The following GNAQ variants were observed in gnomAD, a reference collection of about 807,000 sequenced individuals.
The protein encoded by GNAQ is guanine nucleotide-binding protein G(q) subunit alpha.
GNAQ carries 8 observed loss-of-function variants against 43.9 expected under a neutral mutation model. That is an observed-to-expected ratio of 0.18 (90% CI 0.11 to 0.33). The LOEUF (loss-of-function observed/expected upper bound fraction) is 0.33. Ranked by LOEUF, GNAQ falls within the 10% of genes least tolerant of loss-of-function variation. The pLI is 1.00. For synonymous variants in GNAQ, 155 were observed against 170.7 expected (o/e 0.91, Z 0.71); for missense variants, 158 against 450.8 (o/e 0.35, Z 5.88).
At chr9:77,923,158 A>G (rs1224790963) in intron 1 of GNAQ, among the ~76,000 whole-genome samples, 1 of 152,094 alleles carries the variant, frequency 6.6e-6, no homozygotes, top group East Asian at 1.9e-4. Flanking sequence ...GTGGCATAAG[A>G]ACACAGTATC....
chr9:77,934,251 T>G (rs143156102), intron 1 of GNAQ, among the ~76,000 whole-genome samples: 1 of 151,992 alleles, frequency 6.6e-6, no homozygotes, highest in Non-Finnish European at 1.5e-5. Flanking sequence ...AAGGGTTCTC[T>G]CCAGCGTTGG....
rs936207140 is a variant in GNAQ, at chr9:77,995,980, G to C, written c.136+35120C>G. Among the ~76,000 whole-genome samples, 32 of 152,304 alleles carry C rather than the reference G, an allele frequency of 2.1e-4. 1 individual carries two copies. The highest frequency in any genetic ancestry group is 5.2e-4 in the Admixed American group (8 of 15,304). ...TTGCCATACATTCTATTTGCACACAGAAAGAAGACTGCGTATAGAAAGAAC... is the reference window on the plus strand; with the variant it reads ...TTGCCATACATTCTATTTGCACACACAAAGAAGACTGCGTATAGAAAGAAC... On this transcript the variant is annotated intron_variant, in intron 1 of 6. Transcript: ENST00000286548.
At chr9:77,806,633 T>G (rs1826834512) in intron 3 of GNAQ, among the ~76,000 whole-genome samples, 1 of 152,220 alleles carries the variant, frequency 6.6e-6, no homozygotes, top group Non-Finnish European at 1.5e-5. Flanking sequence ...GATGGGTTAC[T>G]CTGTGCAGAC....
rs398068684 is a variant in GNAQ at position 77,722,141 on chromosome 9, CT to C, written c.890-629del. Among the ~76,000 whole-genome samples the C allele has an allele frequency of 9.4e-3, 1,347 of 143,268 alleles. 10 individuals carry two copies. The highest frequency in any genetic ancestry group is 0.027 in the African/African-American group (1,064 of 39,314). The allele number at this position is 143,268 out of a possible 152,430, so 94.0% of individuals were successfully genotyped here. On this transcript the variant is annotated intron_variant, in intron 6 of 6. Transcript: ENST00000286548. ...AAACAATTGGTTTATATTTTCTTTTCTTTTTTTTTTTTTGAGATGGAGTCTC... is the reference window on the plus strand; with the variant it reads ...AAACAATTGGTTTATATTTTCTTTTCTTTTTTTTTTTTGAGATGGAGTCTC...
At chr9:77,939,318 A>T (rs1374671857) in intron 1 of GNAQ, among the ~76,000 whole-genome samples, 1 of 152,266 alleles carries the variant, frequency 6.6e-6, no homozygotes, top group Non-Finnish European at 1.5e-5. Flanking sequence ...ACGGCTACGC[A>T]TGAGTCATGT....
chr9:77,814,572 T>C (rs186779290), intron 3 of GNAQ, among the ~76,000 whole-genome samples: 331 of 152,320 alleles, frequency 2.2e-3, no homozygotes, highest in African/African-American at 6.6e-3. Context: ...TCATATCTTA[T>C]ACAAATGCCT....
chr9:77,975,109 C>G (rs1011232879), intron 1 of GNAQ, among the ~76,000 whole-genome samples: 16 of 152,152 alleles, frequency 1.1e-4, no homozygotes, highest in African/African-American at 3.6e-4. Flanking sequence ...CTACAGGGCC[C>G]ATCCCCTAGA....
At chr9:77,863,335 T>C (rs1180736027) in intron 2 of GNAQ, among the ~76,000 whole-genome samples, 1 of 152,196 alleles carries the variant, frequency 6.6e-6, no homozygotes, top group Non-Finnish European at 1.5e-5. Context: ...GGGCAAAACG[T>C]TGCCAGGCTC....
intron 2 of GNAQ, among the ~76,000 whole-genome samples, chr9:77,817,814 G>C (rs995067212): frequency 2.6e-5 from 4 of 152,168 alleles, no homozygotes; most frequent in African/African-American, 9.7e-5. Flanking sequence ...GGTGTTAAGT[G>C]CAACTGTGTA....
Position 77,719,790 on chromosome 9 carries a change from C to T in GNAQ, c.*1533G>A, listed in dbSNP as rs1475622660. The T allele has an allele frequency of 4.3e-6, 1 of 232,538 alleles. No individual in the cohort carries two copies. Among genetic ancestry groups the T allele is most frequent in the African/African-American group, 2.2e-5 (1 of 45,276 alleles). 14.4% of individuals were successfully genotyped at this position (232,538 alleles called of 1,614,324 possible). A position where few individuals can be genotyped will look rare whatever the true frequency, so the allele number is the denominator to read the frequency against. ...CACATATAGAATTCCAAACATTTCTCCTGGTAGGTTCAGTTACACAAATAC... is the reference window on the plus strand; with the variant it reads ...CACATATAGAATTCCAAACATTTCTTCTGGTAGGTTCAGTTACACAAATAC... On this transcript the variant is annotated 3_prime_UTR_variant, in exon 7 of 7. Coordinates refer to ENST00000286548, the MANE Select transcript of GNAQ (RefSeq NM_002072.5).
intron 5 of GNAQ, 109 bp downstream of exon 5, chr9:77,794,354 C>A: frequency 1.4e-6 from 1 of 728,842 alleles, no homozygotes; most frequent in Non-Finnish European, 2.1e-6. Context: ...AATCAAATTT[C>A]AAGAAAGCAA....
intron 1 of GNAQ, among the ~76,000 whole-genome samples, chr9:77,926,336 A>G (rs1829072551): frequency 6.6e-6 from 1 of 152,186 alleles, no homozygotes; most frequent in Admixed American, 6.5e-5. Context: ...CCCAAATTAC[A>G]TAAAATTATG....
At position 77,720,111 on chromosome 9, in the gene GNAQ, G is replaced by T. The variant is rs1825287177; in HGVS notation, c.*1212C>A. ...ATTGCCGGTTTGGACACTGAACATG[G>T]GACGTGAACACTAACAATGTCATCT... On this transcript the variant is annotated 3_prime_UTR_variant, in exon 7 of 7. Transcript: ENST00000286548. The T allele has an allele frequency of 4.3e-6, 1 of 232,736 alleles. No individual in the cohort carries two copies. The highest frequency in any genetic ancestry group is 1.8e-4 in the South Asian group (1 of 5,512). 14.4% of individuals were successfully genotyped at this position (232,736 alleles called of 1,614,324 possible). A position where few individuals can be genotyped will look rare whatever the true frequency, so the allele number is the denominator to read the frequency against.
intron 5 of GNAQ, among the ~76,000 whole-genome samples, chr9:77,737,510 T>G (rs1178001457): frequency 6.6e-6 from 1 of 152,220 alleles, no homozygotes; most frequent in Non-Finnish European, 1.5e-5. Context: ...CACAAGCTAT[T>G]GGAAAAGACA....
At chr9:77,971,496 A>G (rs1016519569) in intron 1 of GNAQ, among the ~76,000 whole-genome samples, 1 of 152,234 alleles carries the variant, frequency 6.6e-6, no homozygotes, top group African/African-American at 2.4e-5. Context: ...AATAAACGTA[A>G]TCCATCACAT....
At chr9:77,946,809 G>A (rs1015567260) in intron 1 of GNAQ, among the ~76,000 whole-genome samples, 3 of 152,174 alleles carry the variant, frequency 2.0e-5, no homozygotes, top group Admixed American at 6.5e-5. Context: ...AGGTAGCTTT[G>A]AGCAAGTTGA....
chr9:77,763,502 G>T (rs1826088387), intron 5 of GNAQ, among the ~76,000 whole-genome samples: 1 of 152,118 alleles, frequency 6.6e-6, no homozygotes, highest in Non-Finnish European at 1.5e-5. Context: ...CTTTTCAATT[G>T]TCCTCACCCC....
intron 1 of GNAQ, among the ~76,000 whole-genome samples, chr9:77,946,966 A>G (rs1232968120): frequency 6.6e-6 from 1 of 152,260 alleles, no homozygotes; most frequent in Non-Finnish European, 1.5e-5. Flanking sequence ...ATATTATGGC[A>G]AATAAAGCCA....
intron 3 of GNAQ, among the ~76,000 whole-genome samples, chr9:77,809,356 T>C (rs1381393911): frequency 1.3e-5 from 2 of 152,216 alleles, no homozygotes; most frequent in African/African-American, 4.8e-5. Flanking sequence ...TTTCTCACTA[T>C]ACGCCAATGT....
Sources: gnomAD v4.1 joint callset for allele counts (sites outside exome capture counted in the v4.1 genomes callset) on GRCh38, gnomAD v4.1.1 for gene constraint, MANE v1.5 for transcripts, NCBI Gene and HGNC (gene_info 2026-07-23, HGNC 2026-07-21) for gene names.